Variants in KCNMB2 observed in about 807,000 individuals in gnomAD.
KCNMB2 encodes the protein potassium calcium-activated channel subfamily M regulatory beta subunit 2.
In KCNMB2, 9 loss-of-function variants were observed where a neutral mutation model predicts 24.5. The ratio of observed to expected loss-of-function variants is 0.37; its 90% CI spans 0.22 to 0.64. The LOEUF is 0.64. KCNMB2 is among the 30% of genes least tolerant of loss of function. The pLI, the probability that KCNMB2 is intolerant of heterozygous loss-of-function variation, is 0.63. For missense variants in KCNMB2, 226 were observed against 284.3 expected (o/e 0.79, Z 1.47); for synonymous variants, 109 against 104.4 (o/e 1.04, Z -0.27).
At position 178,807,378 on chromosome 3, in the gene KCNMB2, G is replaced by A. The variant is rs1167712131; in HGVS notation, c.-32G>A. The A allele has an allele frequency of 6.2e-7, 1 of 1,603,628 alleles. No individual in the cohort carries two copies. On this transcript the variant is annotated 5_prime_UTR_variant, in exon 2 of 5. Transcript: ENST00000452583. Reference sequence around the variant, plus strand: ...CATTCCTCCAGGACATCCACCATAAGGAAAGGAGACCCTGGACCAACATTC... The same window carrying A: ...CATTCCTCCAGGACATCCACCATAAAGAAAGGAGACCCTGGACCAACATTC...
rs73047895 is a variant in KCNMB2, at chr3:178,705,774, A to G, written c.-67-101569A>G. 1.7e-3 allele frequency among the ~76,000 whole-genome samples: 264 copies of G among 152,324 alleles called. 1 individual carries two copies. The highest frequency in any genetic ancestry group is 6.1e-3 in the African/African-American group (252 of 41,584). ...GTAATTTATATTCAGCATATCTGAAATAATCACAGTTAAAAGGAAATACCA... is the reference window on the plus strand; with the variant it reads ...GTAATTTATATTCAGCATATCTGAAGTAATCACAGTTAAAAGGAAATACCA... On this transcript the variant is annotated intron_variant, in intron 1 of 4. Coordinates refer to ENST00000452583, the MANE Select transcript of KCNMB2 (RefSeq NM_181361.3).
intron 1 of KCNMB2, among the ~76,000 whole-genome samples, chr3:178,754,921 C>T (rs1407546319): frequency 3.3e-5 from 5 of 152,232 alleles, no homozygotes. Context: ...TCTCCCGCAG[C>T]CTCTAAGTGC....
intron 1 of KCNMB2, among the ~76,000 whole-genome samples, chr3:178,593,568 G>A (rs1717756661): frequency 6.6e-6 from 1 of 151,858 alleles, no homozygotes; most frequent in Admixed American, 6.6e-5. Flanking sequence ...AAAACTAACT[G>A]GTGACAAAGT....
chr3:178,840,763 C>T (rs769782858), intron 4 of KCNMB2, among the ~76,000 whole-genome samples: 5 of 152,214 alleles, frequency 3.3e-5, no homozygotes, highest in African/African-American at 4.8e-5. Flanking sequence ...AGCAGCAGGG[C>T]CCTAGGCCAT....
intron 1 of KCNMB2, among the ~76,000 whole-genome samples, chr3:178,730,290 T>C (rs1723100938): frequency 6.6e-6 from 1 of 152,212 alleles, no homozygotes; most frequent in South Asian, 2.1e-4. Flanking sequence ...CTTGTTATAA[T>C]AACCTACTAG....
intron 1 of KCNMB2, among the ~76,000 whole-genome samples, chr3:178,745,274 G>C (rs140858784): frequency 1.3e-5 from 2 of 152,324 alleles, no homozygotes; most frequent in African/African-American, 4.8e-5. Flanking sequence ...CAGAAGGCAA[G>C]GAGGAGCAAG....
At chr3:178,631,805 C>T (rs955103273) in intron 1 of KCNMB2, among the ~76,000 whole-genome samples, 1 of 152,154 alleles carries the variant, frequency 6.6e-6, no homozygotes, top group Admixed American at 6.5e-5. Flanking sequence ...AAGTTAACTG[C>T]ACTAACAATT....
chr3:178,813,600 TC>T (rs1369974328), intron 2 of KCNMB2, among the ~76,000 whole-genome samples: 1 of 152,168 alleles, frequency 6.6e-6, no homozygotes, highest in African/African-American at 2.4e-5. Flanking sequence ...TACGGTTTTT[TC>T]TCATGTGTTA....
chr3:178,806,063 A>G (rs1713955346), intron 1 of KCNMB2, among the ~76,000 whole-genome samples: 1 of 152,224 alleles, frequency 6.6e-6, no homozygotes, highest in Non-Finnish European at 1.5e-5. Flanking sequence ...CAGGAGTTTG[A>G]GGCTGCAGTG....
intron 1 of KCNMB2, among the ~76,000 whole-genome samples, chr3:178,593,848 T>A (rs2108501567): frequency 1.3e-5 from 2 of 150,038 alleles, no homozygotes; most frequent in Middle Eastern, 3.4e-3. Flanking sequence ...AACTCTTTAT[T>A]GGCTACTCTT....
chr3:178,557,470 G>GT (rs1716164491), intron 1 of KCNMB2, among the ~76,000 whole-genome samples: 1 of 152,194 alleles, frequency 6.6e-6, no homozygotes, highest in Non-Finnish European at 1.5e-5. Context: ...GGGTGCAAAA[G>GT]TAAGACTGGG....
rs1254223437 is a variant in KCNMB2, at chr3:178,614,269, A to G, written c.-68+77558A>G. ...ATTTTATATATATATATATATATAT[A>G]TATATATATATATATATATATATAT... On this transcript the variant is annotated intron_variant, in intron 1 of 4. Coordinates refer to ENST00000452583, the MANE Select transcript of KCNMB2 (RefSeq NM_181361.3). Among the ~76,000 whole-genome samples, 552 of 77,940 alleles carry G rather than the reference A, an allele frequency of 7.1e-3. 24 individuals are homozygous for G. The highest frequency in any genetic ancestry group is 0.029 in the African/African-American group (510 of 17,326). 51.1% of individuals were successfully genotyped at this position (77,940 alleles called of 152,430 possible).
chr3:178,579,907 C>T (rs1301058258), intron 1 of KCNMB2, among the ~76,000 whole-genome samples: 1 of 152,096 alleles, frequency 6.6e-6, no homozygotes. Flanking sequence ...AAGCCCAGGA[C>T]CAGATGAATT....
At chr3:178,561,983 T>A (rs917933119) in intron 1 of KCNMB2, among the ~76,000 whole-genome samples, 77 of 152,220 alleles carry the variant, frequency 5.1e-4, no homozygotes, top group African/African-American at 1.5e-3. Context: ...TTGGTGTACA[T>A]GAAATAAAAT....
intron 2 of KCNMB2, among the ~76,000 whole-genome samples, chr3:178,821,837 G>A (rs1043964477): frequency 6.6e-6 from 1 of 152,014 alleles, no homozygotes; most frequent in Non-Finnish European, 1.5e-5. Context: ...CTGAAGTTCT[G>A]TCTCATAGAT....
chr3:178,570,298 C>T (rs1033145073), intron 1 of KCNMB2, among the ~76,000 whole-genome samples: 1 of 152,030 alleles, frequency 6.6e-6, no homozygotes, highest in Non-Finnish European at 1.5e-5. Context: ...ATGTTTTATA[C>T]ATTTTTTTAA....
intron 1 of KCNMB2, among the ~76,000 whole-genome samples, chr3:178,649,651 T>C (rs145421732): frequency 2.6e-5 from 4 of 152,306 alleles, no homozygotes; most frequent in African/African-American, 9.6e-5. Flanking sequence ...TCTAGTTTAT[T>C]TGAGTAGAGG....
chr3:178,553,544 T>G (rs2108457191), intron 1 of KCNMB2, among the ~76,000 whole-genome samples: 1 of 151,938 alleles, frequency 6.6e-6, no homozygotes, highest in South Asian at 2.1e-4. Flanking sequence ...TTCCTTTTTT[T>G]TTTTTTTTTG....
intron 1 of KCNMB2, among the ~76,000 whole-genome samples, chr3:178,695,488 T>C (rs900217264): frequency 2.0e-5 from 3 of 152,206 alleles, no homozygotes; most frequent in Non-Finnish European, 2.9e-5. Context: ...TCCAAACTTT[T>C]ATGCTCTATC....
Sources: allele counts gnomAD v4.1 joint callset (sites outside exome capture counted in the v4.1 genomes callset), GRCh38; gene constraint gnomAD v4.1.1; transcripts MANE v1.5; gene names NCBI Gene and HGNC (gene_info 2026-07-23, HGNC 2026-07-21).